The following ADAMTS12 variants were observed in gnomAD, a reference collection of about 807,000 sequenced individuals.
ADAMTS12 encodes A disintegrin and metalloproteinase with thrombospondin motifs 12.
In ADAMTS12, 118 loss-of-function variants were observed where a neutral mutation model predicts 167.8. That is an observed-to-expected ratio of 0.70 (90% CI 0.61 to 0.82). The LOEUF (loss-of-function observed/expected upper bound fraction) is 0.82, where lower values mean the gene tolerates loss of function less well. Ranked by LOEUF, ADAMTS12 falls within the 40% of genes least tolerant of loss-of-function variation. ADAMTS12 has a pLI of 0.00. For synonymous variants in ADAMTS12, 704 were observed against 716.9 expected (o/e 0.98, Z 0.29); for missense variants, 1,916 against 1,998.8 (o/e 0.96, Z 0.79).
chr5:33,705,335 G>C (rs80155533), intron 3 of ADAMTS12, among the ~76,000 whole-genome samples: 1 of 151,036 alleles, frequency 6.6e-6, no homozygotes, highest in African/African-American at 2.4e-5. Flanking sequence ...ATGGGCACTT[G>C]GGCTGGTTCC....
At chr5:33,721,331 A>T (rs1743798365) in intron 3 of ADAMTS12, among the ~76,000 whole-genome samples, 1 of 152,196 alleles carries the variant, frequency 6.6e-6, no homozygotes, top group Non-Finnish European at 1.5e-5. Flanking sequence ...CAAACTGTGC[A>T]CTTACGACAT....
chr5:33,660,181 A>G (rs922967806), intron 6 of ADAMTS12, among the ~76,000 whole-genome samples: 1 of 152,222 alleles, frequency 6.6e-6, no homozygotes, highest in African/African-American at 2.4e-5. Flanking sequence ...TTATGCAAAC[A>G]GACCCCTGTC....
At chr5:33,560,665 A>G (rs527945303) in intron 20 of ADAMTS12, among the ~76,000 whole-genome samples, 202 of 151,620 alleles carry the variant, frequency 1.3e-3, no homozygotes, top group African/African-American at 4.6e-3. Context: ...GCAAACTATC[A>G]CAAGGAAAAA....
intron 2 of ADAMTS12, among the ~76,000 whole-genome samples, chr5:33,792,517 T>C (rs760938871): frequency 6.6e-6 from 1 of 152,188 alleles, no homozygotes; most frequent in Non-Finnish European, 1.5e-5. Flanking sequence ...CATCCAATTA[T>C]TGAATTTGGT....
intron 2 of ADAMTS12, among the ~76,000 whole-genome samples, chr5:33,769,932 G>C (rs951192844): frequency 2.6e-5 from 4 of 152,158 alleles, no homozygotes; most frequent in Non-Finnish European, 4.4e-5. Flanking sequence ...CACAGGTAAA[G>C]TATGTATATA....
At chr5:33,568,667 G>A (rs1006390352) in intron 19 of ADAMTS12, among the ~76,000 whole-genome samples, 2 of 152,250 alleles carry the variant, frequency 1.3e-5, no homozygotes, top group African/African-American at 2.4e-5. Flanking sequence ...CGTGAGTGAC[G>A]CAGAAGACGG....
intron 5 of ADAMTS12, among the ~76,000 whole-genome samples, chr5:33,682,142 G>A (rs1395783408): frequency 1.3e-5 from 2 of 152,186 alleles, no homozygotes; most frequent in East Asian, 1.9e-4. Context: ...GAGATGACAC[G>A]TATTTTGGAA....
intron 2 of ADAMTS12, among the ~76,000 whole-genome samples, chr5:33,880,556 GTTC>G (rs1750392432): frequency 6.6e-6 from 1 of 152,196 alleles, no homozygotes; most frequent in South Asian, 2.1e-4. Flanking sequence ...TTGGCCTATG[GTTC>G]ATAGTTTGCC....
At chr5:33,844,007 T>C (rs1450360702) in intron 2 of ADAMTS12, among the ~76,000 whole-genome samples, 2 of 152,230 alleles carry the variant, frequency 1.3e-5, no homozygotes, top group African/African-American at 4.8e-5. Context: ...TCATAATTTA[T>C]TATGCCTGTC....
intron 3 of ADAMTS12, among the ~76,000 whole-genome samples, chr5:33,698,784 A>C (rs1405997366): frequency 6.6e-6 from 1 of 152,206 alleles, no homozygotes; most frequent in Non-Finnish European, 1.5e-5. Context: ...CTAAAAATAC[A>C]AAAATTAGCC....
At chr5:33,791,101 C>T (rs1561273909) in intron 2 of ADAMTS12, among the ~76,000 whole-genome samples, 1 of 152,154 alleles carries the variant, frequency 6.6e-6, no homozygotes, top group Admixed American at 6.5e-5. Flanking sequence ...CTAAGCTCCA[C>T]ACCTGATTTC....
chr5:33,805,559 G>A (rs568848365), intron 2 of ADAMTS12, among the ~76,000 whole-genome samples: 3 of 152,214 alleles, frequency 2.0e-5, no homozygotes, highest in South Asian at 4.1e-4. Context: ...TGGCTGTGCT[G>A]AATCTGCAGA....
chr5:33,674,044 G>T (rs12657884), intron 5 of ADAMTS12, among the ~76,000 whole-genome samples: 3 of 152,280 alleles, frequency 2.0e-5, no homozygotes, highest in East Asian at 3.9e-4. Context: ...TTCCTCTTAG[G>T]GCCTCCAGAA....
Position 33,662,015 on chromosome 5 carries a change from G to A in ADAMTS12, c.941C>T (p.Ala314Val). 1 of 1,611,692 alleles carries A rather than the reference G, an allele frequency of 6.2e-7. No individual in the cohort carries two copies. Residue 314 changes from alanine to valine, a missense_variant, in exon 6 of 24, where the codon GCA becomes GTA. By Grantham distance (64) the Ala-to-Val change is moderately conservative. Coordinates refer to ENST00000504830, the MANE Select transcript of ADAMTS12 (RefSeq NM_030955.4). ...EEQGLKIVHH[A>V]EKTLSSFCKW... ...GCAGAAGCTAGACAGTGTCTTTTCT[G>A]CATGGTGAACTATTTTCAGTCCTTG... is the stretch of plus-strand genomic sequence containing the variant.
intron 5 of ADAMTS12, among the ~76,000 whole-genome samples, chr5:33,672,220 C>A (rs1398500554): frequency 6.7e-6 from 1 of 149,566 alleles, no homozygotes; most frequent in Non-Finnish European, 1.5e-5. Context: ...CACATACATA[C>A]ACACAGATCC....
intron 18 of ADAMTS12, among the ~76,000 whole-genome samples, chr5:33,577,474 A>G (rs1291015785): frequency 1.3e-5 from 2 of 152,188 alleles, no homozygotes; most frequent in Non-Finnish European, 2.9e-5. Flanking sequence ...GGTTTACACA[A>G]GTTGCTAAAT....
intron 3 of ADAMTS12, among the ~76,000 whole-genome samples, chr5:33,728,474 G>T (rs190463178): frequency 6.6e-6 from 1 of 152,122 alleles, no homozygotes; most frequent in Non-Finnish European, 1.5e-5. Flanking sequence ...CTTCAGACTC[G>T]CAAAGCCCTG....
intron 5 of ADAMTS12, among the ~76,000 whole-genome samples, chr5:33,677,597 T>C (rs1291469707): frequency 1.3e-5 from 2 of 152,176 alleles, no homozygotes; most frequent in Non-Finnish European, 1.5e-5. Context: ...GAGGTCAAGT[T>C]TGTGTCCAAG....
chr5:33,757,551 T>C (rs1183782642), intron 2 of ADAMTS12, among the ~76,000 whole-genome samples: 2 of 152,164 alleles, frequency 1.3e-5, no homozygotes, highest in South Asian at 2.1e-4. Context: ...CAGATGCTTT[T>C]TGAAGGAGCC....
Sources: gnomAD v4.1 joint callset for allele counts (sites outside exome capture counted in the v4.1 genomes callset) on GRCh38, gnomAD v4.1.1 for gene constraint, MANE v1.5 for transcripts, NCBI Gene and HGNC (gene_info 2026-07-23, HGNC 2026-07-21) for gene names.